PPP2R2B: variants seen among roughly 807,000 people sequenced by gnomAD.
PPP2R2B encodes the protein serine/threonine-protein phosphatase 2A 55 kDa regulatory subunit B beta isoform.
PPP2R2B carries 5 observed loss-of-function variants against 46.0 expected under a neutral mutation model. The observed-to-expected ratio is 0.11, with a 90% CI of 0.06 to 0.23. PPP2R2B has a LOEUF of 0.23. PPP2R2B is among the 10% of genes least tolerant of loss of function. The probability of loss-of-function intolerance (pLI) is 1.00; values close to 1 mark genes in which losing one functional copy is unlikely to be tolerated. For missense variants in PPP2R2B, 367 were observed against 575.0 expected, an observed-to-expected ratio of 0.64 and a Z score of 3.70; for synonymous variants, 215 against 206.7, an observed-to-expected ratio of 1.04 and a Z score of -0.34.
intron 2 of PPP2R2B, among the ~76,000 whole-genome samples, chr5:146,711,461 T>C (rs761703916): frequency 3.3e-5 from 5 of 152,206 alleles, no homozygotes; most frequent in African/African-American, 4.8e-5. Flanking sequence ...TGTTTGATGA[T>C]TTTAGAATGA....
At chr5:146,660,080 T>C (rs1309371147) in intron 5 of PPP2R2B, among the ~76,000 whole-genome samples, 1 of 152,138 alleles carries the variant, frequency 6.6e-6, no homozygotes, top group Non-Finnish European at 1.5e-5. Flanking sequence ...GTTTTGCAAA[T>C]AGCTCCGTCC....
At chr5:146,837,342 G>T (rs1288038399) in intron 2 of PPP2R2B, among the ~76,000 whole-genome samples, 2 of 152,186 alleles carry the variant, frequency 1.3e-5, no homozygotes, top group African/African-American at 2.4e-5. Flanking sequence ...ATTTTCAGAA[G>T]ATTACGTGTA....
rs753851056 is a variant in PPP2R2B at position 146,638,344 on chromosome 5, G to A, written c.697C>T (p.His233Tyr). ...CTGTACACGAAGGTGTTGCAATGAT[G>A]GGGGTGGAACTCGGCTGCTGTGATC... ...EVITAAEFHP[H>Y]HCNTFVYSSS... The change falls in exon 7 of 10, where the codon CAT becomes TAT. Residue 233 changes from histidine to tyrosine, a missense_variant. Around this residue, in one of 2 missense-constraint regions of PPP2R2B, gnomAD observed 361 missense variants for 545.5 expected, o/e 0.66. Coordinates refer to ENST00000394411, the MANE Select transcript of PPP2R2B (RefSeq NM_181675.4). The A allele has an allele frequency of 8.7e-6, 14 of 1,613,512 alleles. No homozygotes were observed. The highest frequency in any genetic ancestry group is 1.1e-5 in the Non-Finnish European group (13 of 1,179,618).
intron 5 of PPP2R2B, among the ~76,000 whole-genome samples, chr5:146,657,382 A>T (rs1442113065): frequency 6.6e-6 from 1 of 152,218 alleles, no homozygotes; most frequent in African/African-American, 2.4e-5. Context: ...GAAGTCATGG[A>T]GAAGGAAGAA....
At chr5:146,652,765 C>G (rs1427830932) in intron 5 of PPP2R2B, among the ~76,000 whole-genome samples, 1 of 151,584 alleles carries the variant, frequency 6.6e-6, no homozygotes, top group South Asian at 2.1e-4. Flanking sequence ...GCAACACCCC[C>G]CCCCAAAAAG....
chr5:146,887,503 T>C (rs1762366896), intron 1 of PPP2R2B, among the ~76,000 whole-genome samples: 1 of 152,162 alleles, frequency 6.6e-6, no homozygotes, highest in Admixed American at 6.5e-5. Flanking sequence ...TACCTATATA[T>C]ATATATTATG....
chr5:146,767,017 G>GCA (rs55719903), intron 2 of PPP2R2B, among the ~76,000 whole-genome samples: 73 of 117,590 alleles, frequency 6.2e-4, no homozygotes, highest in Non-Finnish European at 9.0e-4. Flanking sequence ...CCACACCATT[G>GCA]CACTCCAGCC....
At chr5:146,666,560 A>T (rs942383697) in intron 5 of PPP2R2B, among the ~76,000 whole-genome samples, 1 of 152,132 alleles carries the variant, frequency 6.6e-6, no homozygotes, top group African/African-American at 2.4e-5. Flanking sequence ...TGAACTGTCC[A>T]CCTGTTCCCA....
intron 4 of PPP2R2B, among the ~76,000 whole-genome samples, chr5:146,692,694 C>T (rs868308700): frequency 8.6e-5 from 13 of 152,004 alleles, no homozygotes; most frequent in Middle Eastern, 3.4e-3. Context: ...CCACCACGCC[C>T]GGCTAATTTT....
intron 2 of PPP2R2B, among the ~76,000 whole-genome samples, chr5:146,828,059 C>T (rs1207582959): frequency 6.6e-6 from 1 of 151,896 alleles, no homozygotes; most frequent in African/African-American, 2.4e-5. Flanking sequence ...ATCATGTACG[C>T]TTTCTTTCAT....
chr5:146,811,811 C>T (rs1757568673), intron 2 of PPP2R2B, among the ~76,000 whole-genome samples: 1 of 150,802 alleles, frequency 6.6e-6, no homozygotes, highest in African/African-American at 2.4e-5. Flanking sequence ...TCGTGATCTG[C>T]CCGCCTCGGC....
rs966399915 is a variant in PPP2R2B, at chr5:146,992,042, A to T, written c.79+63623T>A. On this transcript the variant is annotated intron_variant, in intron 1 of 8. Coordinates refer to the PPP2R2B transcript ENST00000336640. ...GAAACAATTCTAAAATTTATATGGA[A>T]CTACAAAAAATCCCAAATAGCCAAG... Among the ~76,000 whole-genome samples, 9 of 152,204 alleles carry T rather than the reference A, an allele frequency of 5.9e-5. No individual in the cohort carries two copies. In the East Asian group the frequency reaches 1.3e-3, roughly 23 times the overall value.
At chr5:146,804,028 G>A (rs1196695074) in intron 2 of PPP2R2B, among the ~76,000 whole-genome samples, 9 of 151,970 alleles carry the variant, frequency 5.9e-5, no homozygotes, top group East Asian at 3.9e-4. Context: ...TTAGACGGGC[G>A]TGGTGGCCAG....
chr5:147,026,220 A>C (rs1755521262), intron 1 of PPP2R2B, among the ~76,000 whole-genome samples: 1 of 152,178 alleles, frequency 6.6e-6, no homozygotes, highest in Admixed American at 6.5e-5. Flanking sequence ...CCCAAACTGG[A>C]AACAATCCAA....
chr5:146,812,815 A>ATGTATATATATATATATATATATATATG (rs1418545306), intron 2 of PPP2R2B, among the ~76,000 whole-genome samples: 1 of 35,632 alleles, frequency 2.8e-5, no homozygotes, highest in Non-Finnish European at 6.4e-5. Context: ...ATATATATAT[A>ATGTATATATATATATATATATATATATG]TATATATATA....
At chr5:146,924,805 ATG>A (rs1763726162) in intron 1 of PPP2R2B, among the ~76,000 whole-genome samples, 1 of 152,154 alleles carries the variant, frequency 6.6e-6, no homozygotes, top group African/African-American at 2.4e-5. Context: ...AGCAAAAAGA[ATG>A]TGTTAGTTTG....
intron 5 of PPP2R2B, among the ~76,000 whole-genome samples, chr5:146,678,625 A>G (rs1246758614): frequency 2.1e-5 from 3 of 144,756 alleles, no homozygotes; most frequent in African/African-American, 8.3e-5. Context: ...AGATGACATG[A>G]TTGTATATCT....
chr5:146,691,071 C>T (rs941329208), intron 5 of PPP2R2B, 57 bp downstream of exon 5: 8 of 1,506,664 alleles, frequency 5.3e-6, no homozygotes, highest in East Asian at 2.3e-5. Context: ...CAGCACATGG[C>T]CAACCTTAGG....
chr5:146,730,260 G>A (rs540551151), intron 2 of PPP2R2B, among the ~76,000 whole-genome samples: 20 of 152,260 alleles, frequency 1.3e-4, no homozygotes, highest in Admixed American at 1.3e-4. Flanking sequence ...TGAATAGCTG[G>A]ATTTATCCAA....
Sources: allele counts gnomAD v4.1 joint callset (sites outside exome capture counted in the v4.1 genomes callset), GRCh38; gene constraint gnomAD v4.1.1; regional missense constraint gnomAD v4.1.1; transcripts MANE v1.5; gene names NCBI Gene and HGNC (gene_info 2026-07-23, HGNC 2026-07-21).